The following TCEANC2 variants were observed in gnomAD, a reference collection of about 807,000 sequenced individuals.
TCEANC2 encodes transcription elongation factor A N-terminal and central domain-containing protein 2.
Under a neutral mutation model 22.8 loss-of-function variants are expected in TCEANC2, and 20 were observed. The observed-to-expected ratio is 0.88, with a 90% CI of 0.62 to 1.28. The LOEUF (loss-of-function observed/expected upper bound fraction) is 1.28. TCEANC2 is among the 50% of genes most tolerant of loss of function. TCEANC2 has a pLI of 0.00. For synonymous variants in TCEANC2, 84 were observed against 95.5 expected (o/e 0.88, Z 0.70); for missense variants, 251 against 249.7 (o/e 1.01, Z -0.03).
chr1:54,072,992 G>T (rs1392455267), intron 3 of TCEANC2, among the ~76,000 whole-genome samples: 3 of 151,858 alleles, frequency 2.0e-5, no homozygotes, highest in Admixed American at 2.0e-4. Flanking sequence ...TTGAGACAGG[G>T]TCTCACTCTG....
chr1:54,063,598 A>G (rs1476158572), intron 2 of TCEANC2, among the ~76,000 whole-genome samples: 1 of 152,236 alleles, frequency 6.6e-6, no homozygotes, highest in Non-Finnish European at 1.5e-5. Flanking sequence ...TTTGAGTGCC[A>G]ACATGGTACC....
At chr1:54,107,625 T>G (rs1054703001), downstream of TCEANC2, among the ~76,000 whole-genome samples, 2 of 152,202 alleles carry the variant, frequency 1.3e-5, no homozygotes, top group African/African-American at 4.8e-5. Context: ...TTTGATAATT[T>G]ATTTATTAAT....
intron 2 of TCEANC2, among the ~76,000 whole-genome samples, chr1:54,056,799 T>C (rs975885772): frequency 1.3e-5 from 2 of 151,960 alleles, no homozygotes; most frequent in Non-Finnish European, 2.9e-5. Context: ...CCTAGCACAT[T>C]GGGAGGCCAA....
chr1:54,108,313 A>G (rs2100399347), downstream of TCEANC2, among the ~76,000 whole-genome samples: 1 of 152,224 alleles, frequency 6.6e-6, no homozygotes, highest in African/African-American at 2.4e-5. Context: ...TCATCCCCAA[A>G]TTCGTATGTT....
chr1:54,093,039 T>C (rs892854540), intron 4 of TCEANC2, among the ~76,000 whole-genome samples: 3 of 152,150 alleles, frequency 2.0e-5, no homozygotes, highest in African/African-American at 7.2e-5. Context: ...AGAGAAAAGA[T>C]GTGTAGCATA....
chr1:54,101,902 TG>T lies in TCEANC2; in HGVS notation c.*5432del, dbSNP rs1658669949. 1 of 152,282 alleles carries T rather than the reference TG, an allele frequency of 6.6e-6. No individual in the cohort carries two copies. Among genetic ancestry groups the T allele is most frequent in the Admixed American group, 6.5e-5 (1 of 15,292 alleles). The allele number at this position is 152,282 out of a possible 1,614,324, so 9.4% of individuals were successfully genotyped here. A position where few individuals can be genotyped will look rare whatever the true frequency, so the allele number is the denominator to read the frequency against. ...CTCCTGCCTTGGCCTTCCAAAGTGTTGGGATTACAGGCATGAGTCACTTTGC... is the reference window on the plus strand; with the variant it reads ...CTCCTGCCTTGGCCTTCCAAAGTGTTGGATTACAGGCATGAGTCACTTTGC... On this transcript the variant is annotated 3_prime_UTR_variant, in exon 5 of 5. Coordinates refer to ENST00000234827, the MANE Select transcript of TCEANC2 (RefSeq NM_153035.3).
chr1:54,091,332 TG>T (rs1232220211), intron 4 of TCEANC2, among the ~76,000 whole-genome samples: 1 of 152,222 alleles, frequency 6.6e-6, no homozygotes, highest in Admixed American at 6.5e-5. Context: ...ATTCAGTATC[TG>T]GTCTTTGACA....
intron 4 of TCEANC2, chr1:54,090,040 T>A (rs900825463): frequency 1.5e-6 from 1 of 675,450 alleles, no homozygotes; most frequent in Admixed American, 1.9e-5. Context: ...CAAATCAGAA[T>A]AGAATGGAAC....
At chr1:54,076,397 C>T (rs1301917270) in intron 3 of TCEANC2, among the ~76,000 whole-genome samples, 3 of 152,142 alleles carry the variant, frequency 2.0e-5, no homozygotes, top group Admixed American at 6.5e-5. Context: ...AGGATAATGG[C>T]CTTCAGCTCC....
chr1:54,103,021 A>G lies in TCEANC2; in HGVS notation c.*6548A>G, dbSNP rs1166857986. The G allele has an allele frequency of 1.3e-5, 2 of 152,436 alleles. No individual in the cohort carries two copies. Among genetic ancestry groups the G allele is most frequent in the Non-Finnish European group, 2.9e-5 (2 of 68,178 alleles). 9.4% of individuals were successfully genotyped at this position (152,436 alleles called of 1,614,324 possible). A position where few individuals can be genotyped will look rare whatever the true frequency, so the allele number is the denominator to read the frequency against. On this transcript the variant is annotated 3_prime_UTR_variant, in exon 5 of 5. Transcript: ENST00000234827. ...GGAATAAGATTGGAAAATTGGAAAC[A>G]AGGAGACCTGTGGTGGAGGCATGTA...
chr1:54,106,437 A>G (rs1221263605), downstream of TCEANC2, among the ~76,000 whole-genome samples: 3 of 152,226 alleles, frequency 2.0e-5, no homozygotes, highest in South Asian at 4.1e-4. Flanking sequence ...TGAGTCCAAT[A>G]TGCCCCAAAT....
At chr1:54,089,183 A>G (rs1658395724) in intron 4 of TCEANC2, among the ~76,000 whole-genome samples, 2 of 152,260 alleles carry the variant, frequency 1.3e-5, no homozygotes, top group African/African-American at 4.8e-5. Context: ...TGAATCATAT[A>G]TGCAAAAGAA....
rs1658640038 is a variant in TCEANC2 at position 54,100,406 on chromosome 1, G to A, written c.*3933G>A. 6.6e-6 allele frequency: 1 copy of A among 152,204 alleles called. No homozygotes were observed. Among genetic ancestry groups the A allele is most frequent in the African/African-American group, 2.4e-5 (1 of 41,448 alleles). The allele number at this position is 152,204 out of a possible 1,614,324, so 9.4% of individuals were successfully genotyped here. Reference sequence around the variant, plus strand: ...GCACTGGGGACACAGCAATAAAGGAGAGATAATTTCCTCTGAGTCTGGTGA... The same window carrying A: ...GCACTGGGGACACAGCAATAAAGGAAAGATAATTTCCTCTGAGTCTGGTGA... On this transcript the variant is annotated 3_prime_UTR_variant, in exon 5 of 5. Coordinates refer to ENST00000234827, the MANE Select transcript of TCEANC2 (RefSeq NM_153035.3).
chr1:54,091,809 C>T (rs1296437318), intron 4 of TCEANC2, among the ~76,000 whole-genome samples: 1 of 152,194 alleles, frequency 6.6e-6, no homozygotes, highest in African/African-American at 2.4e-5. Context: ...CATTCTCTTA[C>T]TTCCCCTTCC....
chr1:54,094,581 T>C (rs1337911218), intron 4 of TCEANC2, among the ~76,000 whole-genome samples: 3 of 152,176 alleles, frequency 2.0e-5, no homozygotes, highest in Non-Finnish European at 4.4e-5. Context: ...CTCTCCTTTC[T>C]CCTGGTGCAC....
chr1:54,081,252 C>T (rs1327993710), intron 3 of TCEANC2, among the ~76,000 whole-genome samples: 1 of 151,984 alleles, frequency 6.6e-6, no homozygotes, highest in Non-Finnish European at 1.5e-5. Context: ...TTTTTAGGGA[C>T]AGGGTCTTAC....
chr1:54,076,270 G>T (rs1261253069), intron 3 of TCEANC2, among the ~76,000 whole-genome samples: 3 of 152,092 alleles, frequency 2.0e-5, no homozygotes, highest in African/African-American at 4.8e-5. Flanking sequence ...CCCTCAAGTA[G>T]ACCTCAGTGC....
intron 3 of TCEANC2, among the ~76,000 whole-genome samples, chr1:54,075,281 G>T (rs1294658591): frequency 6.6e-6 from 1 of 152,198 alleles, no homozygotes; most frequent in African/African-American, 2.4e-5. Context: ...ATGTACAAAG[G>T]TCTGTGGGAA....
chr1:54,099,029 C>T lies in TCEANC2; in HGVS notation c.*2556C>T, dbSNP rs1190577223. On this transcript the variant is annotated 3_prime_UTR_variant, in exon 5 of 5. Coordinates refer to ENST00000234827, the MANE Select transcript of TCEANC2 (RefSeq NM_153035.3). The stretch of plus-strand genomic sequence containing the variant: ...AGGACCAGGATCAGGTTTGAAGGGT[C>T]TTGAGCATCAGGTGAAGGCGTTAGA... 1 of 152,320 alleles carries T rather than the reference C, an allele frequency of 6.6e-6. No homozygotes were observed. Among genetic ancestry groups the T allele is most frequent in the African/African-American group, 2.4e-5 (1 of 41,390 alleles). 9.4% of individuals were successfully genotyped at this position (152,320 alleles called of 1,614,324 possible).
Sources: allele counts gnomAD v4.1 joint callset (sites outside exome capture counted in the v4.1 genomes callset), GRCh38; gene constraint gnomAD v4.1.1; transcripts MANE v1.5; gene names NCBI Gene and HGNC (gene_info 2026-07-23, HGNC 2026-07-21).